Variants in PARP15 observed in about 807,000 individuals in gnomAD.
The protein encoded by PARP15 is protein mono-ADP-ribosyltransferase PARP15.
Under a neutral mutation model 62.1 loss-of-function variants are expected in PARP15, and 50 were observed. The observed-to-expected ratio is 0.81, with a 90% CI of 0.64 to 1.02. The LOEUF (loss-of-function observed/expected upper bound fraction) is 1.02. PARP15 is among the 50% of genes least tolerant of loss of function. The pLI is 0.00. For synonymous variants in PARP15, 309 were observed against 293.1 expected, an observed-to-expected ratio of 1.05 and a Z score of -0.55; for missense variants, 820 against 826.5, an observed-to-expected ratio of 0.99 and a Z score of 0.10.
intron 9 of PARP15, 84 bp from the exon 10 acceptor site, chr3:122,632,000 CGA>C: frequency 2.7e-6 from 4 of 1,476,080 alleles, no homozygotes; most frequent in Non-Finnish European, 3.8e-6. Context: ...GTTTGGATGA[CGA>C]GAGACAAGTG....
intron 1 of PARP15, among the ~76,000 whole-genome samples, chr3:122,593,713 T>G (rs1028209003): frequency 6.6e-6 from 1 of 152,204 alleles, no homozygotes; most frequent in Non-Finnish European, 1.5e-5. Flanking sequence ...TCTTCTGTGT[T>G]CACTCCCTCA....
intron 6 of PARP15, among the ~76,000 whole-genome samples, 175 bp downstream of exon 6, chr3:122,617,339 G>A (rs1447469461): frequency 1.3e-5 from 2 of 152,132 alleles, no homozygotes; most frequent in Non-Finnish European, 2.9e-5. Context: ...TGTAGCTGTG[G>A]ACAAGTCACT....
intron 1 of PARP15, among the ~76,000 whole-genome samples, chr3:122,586,131 T>C (rs981761380): frequency 6.6e-6 from 1 of 152,224 alleles, no homozygotes; most frequent in Non-Finnish European, 1.5e-5. Flanking sequence ...TGATATTTAA[T>C]TTTCTTCATA....
intron 8 of PARP15, among the ~76,000 whole-genome samples, chr3:122,625,758 T>C (rs1293099788): frequency 6.6e-6 from 1 of 152,234 alleles, no homozygotes; most frequent in Non-Finnish European, 1.5e-5. Flanking sequence ...TCCAAGATTA[T>C]GAGAACATCA....
rs574192679 is a variant in PARP15, at chr3:122,626,323, C to T, written c.1232-504C>T. On this transcript the variant is annotated intron_variant, in intron 8 of 11. Coordinates refer to ENST00000464300, the MANE Select transcript of PARP15 (RefSeq NM_001113523.3). ...ACGCCATTCTCCTGCCTCAGCCTCC[C>T]GAGTAGCTGGGACTACAGGTGCCCG... Among the ~76,000 whole-genome samples, 16 of 151,884 alleles carry T rather than the reference C, an allele frequency of 1.1e-4. No individual in the cohort carries two copies. The South Asian group carries it at 2.7e-3, about 26-fold the overall frequency.
intron 3 of PARP15, among the ~76,000 whole-genome samples, chr3:122,612,524 C>T (rs1935644031): frequency 6.6e-6 from 1 of 152,054 alleles, no homozygotes; most frequent in African/African-American, 2.4e-5. Flanking sequence ...GCAAGCTCCG[C>T]CTGCCAGGTT....
rs534056672 is a variant in PARP15 at position 122,611,989 on chromosome 3, C to T, written c.544-1052C>T. 3.3e-5 allele frequency among the ~76,000 whole-genome samples: 5 copies of T among 152,132 alleles called. No individual in the cohort carries two copies. The South Asian group carries it at 8.3e-4, about 25-fold the overall frequency. ...TCATCCTCCCAAAGTGCTGGGATTA[C>T]AGGTGTGAGCCACCACAACTGGACA... On this transcript the variant is annotated intron_variant, in intron 3 of 11. Transcript: ENST00000464300.
chr3:122,631,268 G>C (rs1937046923), intron 9 of PARP15, among the ~76,000 whole-genome samples: 1 of 152,226 alleles, frequency 6.6e-6, no homozygotes, highest in African/African-American at 2.4e-5. Context: ...AGTTTGAAAA[G>C]AGCTTACTGA....
chr3:122,606,625 C>G (rs1935179697), intron 2 of PARP15, among the ~76,000 whole-genome samples: 1 of 152,170 alleles, frequency 6.6e-6, no homozygotes, highest in African/African-American at 2.4e-5. Flanking sequence ...CCATCGTGCT[C>G]AATCCTGGCT....
In PARP15 at chr3:122,601,169, G is replaced by C. The variant is rs1375478101; in HGVS notation, c.187-4767G>C. ...CTCCCAAGTAGCTGGGACTACAGGT[G>C]CTTGCCACCACGCCCAGCTAATTTT... is the stretch of plus-strand genomic sequence containing the variant. On this transcript the variant is annotated intron_variant, in intron 1 of 11. Coordinates refer to ENST00000464300, the MANE Select transcript of PARP15 (RefSeq NM_001113523.3). Among the ~76,000 whole-genome samples, 11 of 150,800 alleles carry C rather than the reference G, an allele frequency of 7.3e-5. No individual in the cohort carries two copies. In the Admixed American group the frequency reaches 7.3e-4, roughly 10 times the overall value.
chr3:122,632,275 T>C, intron 10 of PARP15, 56 bp downstream of exon 10: 1 of 1,515,026 alleles, frequency 6.6e-7, no homozygotes, highest in Non-Finnish European at 9.0e-7. Flanking sequence ...ACATAAAAGC[T>C]ATCTCTTTTT....
At chr3:122,589,387 A>G (rs993094476) in intron 1 of PARP15, among the ~76,000 whole-genome samples, 3 of 152,220 alleles carry the variant, frequency 2.0e-5, no homozygotes, top group Admixed American at 6.5e-5. Flanking sequence ...CATTCAGTCC[A>G]TAGTATTTTT....
chr3:122,636,157 C>A lies in PARP15; in HGVS notation c.*57C>A, dbSNP rs894647727. 6.6e-7 allele frequency: 1 copy of A among 1,509,752 alleles called. No individual in the cohort carries two copies. Among genetic ancestry groups the A allele is most frequent in the Non-Finnish European group, 9.0e-7 (1 of 1,108,368 alleles). 93.5% of individuals were successfully genotyped at this position (1,509,752 alleles called of 1,614,324 possible). On this transcript the variant is annotated 3_prime_UTR_variant, in exon 12 of 12. Transcript: ENST00000464300. ...GTCATCTGTAAGAACAACATGCAAT[C>A]TTTGTCTTTGCTTCTGGCCTGTGTA...
intron 4 of PARP15, 59 bp downstream of exon 4, chr3:122,613,327 G>A (rs960669343): frequency 1.5e-6 from 2 of 1,353,464 alleles, no homozygotes; most frequent in African/African-American, 2.9e-5. Context: ...GCATTCAGAT[G>A]TTTTTATAGA....
chr3:122,614,117 C>T (rs995393485), intron 4 of PARP15, among the ~76,000 whole-genome samples: 5 of 152,098 alleles, frequency 3.3e-5, no homozygotes, highest in Non-Finnish European at 7.4e-5. Context: ...GGATTACAGG[C>T]GTGAGCCACT....
chr3:122,583,452 T>A (rs1933134353), intron 1 of PARP15, among the ~76,000 whole-genome samples: 1 of 152,104 alleles, frequency 6.6e-6, no homozygotes, highest in Admixed American at 6.6e-5. Context: ...TTAGTTTCAA[T>A]TGATTTATTT....
At chr3:122,586,072 C>A (rs139697846) in intron 1 of PARP15, among the ~76,000 whole-genome samples, 158 of 152,124 alleles carry the variant, frequency 1.0e-3, no homozygotes, top group African/African-American at 3.6e-3. Context: ...AATTGTAACC[C>A]ATCAGTGTTA....
At chr3:122,579,218 T>G (rs2080748416) in intron 1 of PARP15, among the ~76,000 whole-genome samples, 1 of 152,216 alleles carries the variant, frequency 6.6e-6, no homozygotes, top group South Asian at 2.1e-4. Context: ...TAAAGAAGGT[T>G]TATAGTTATC....
At position 122,606,068 on chromosome 3, in the gene PARP15, A is replaced by G. The variant is rs377581462; in HGVS notation, c.306+13A>G. 10 of 1,550,224 alleles carry G rather than the reference A, an allele frequency of 6.5e-6. No individual in the cohort carries two copies. Among genetic ancestry groups the G allele is most frequent in the Non-Finnish European group, 7.9e-6 (9 of 1,145,984 alleles). On this transcript the variant is annotated intron_variant, in intron 2 of 11. Transcript: ENST00000464300. ...TCTGTACATCTGGGTAGGTGATGCCATTTAATAAATCTACCAAGGAACAGT... is the reference window on the plus strand; with the variant it reads ...TCTGTACATCTGGGTAGGTGATGCCGTTTAATAAATCTACCAAGGAACAGT...
Sources: allele counts gnomAD v4.1 joint callset (sites outside exome capture counted in the v4.1 genomes callset), GRCh38; gene constraint gnomAD v4.1.1; transcripts MANE v1.5; gene names NCBI Gene and HGNC (gene_info 2026-07-23, HGNC 2026-07-21).